The following LACTB variants were observed in gnomAD, a reference collection of about 807,000 sequenced individuals.
The protein encoded by LACTB is lactamase beta.
LACTB carries 35 observed loss-of-function variants against 50.2 expected under a neutral mutation model. The ratio of observed to expected loss-of-function variants is 0.70; its 90% CI spans 0.53 to 0.92. LACTB has a LOEUF of 0.92. Among genes scored for constraint, LACTB ranks in the 40% least tolerant of loss-of-function variants. LACTB has a pLI of 0.00. For synonymous variants in LACTB, 252 were observed against 268.2 expected (o/e 0.94, Z 0.59); for missense variants, 664 against 691.8 (o/e 0.96, Z 0.45).
At chr15:63,137,158 C>T (rs899297298) in intron 5 of LACTB, among the ~76,000 whole-genome samples, 1 of 152,176 alleles carries the variant, frequency 6.6e-6, no homozygotes, top group Non-Finnish European at 1.5e-5. Context: ...ACAGTGGGGA[C>T]ACTGTTTCTG....
intron 2 of LACTB, chr15:63,125,975 A>T (rs1043402102): frequency 6.6e-5 from 10 of 151,540 alleles, no homozygotes; most frequent in Non-Finnish European, 1.3e-4. Context: ...AAGTGCTGGG[A>T]TTGCAGGCAC....
intron 5 of LACTB, among the ~76,000 whole-genome samples, chr15:63,133,291 T>C (rs930217294): frequency 1.3e-5 from 2 of 152,204 alleles, no homozygotes; most frequent in African/African-American, 4.8e-5. Context: ...ACATTTTCTA[T>C]GACTTAGAGT....
rs78468592 is a variant in LACTB at position 63,123,311 on chromosome 15, A to G, written c.424+609A>G. Reference sequence around the variant, plus strand: ...CATTAACTGAGTACTTGCAGGTAACACTTATGGGTAGATAAAACTCAGAAT... The same window carrying G: ...CATTAACTGAGTACTTGCAGGTAACGCTTATGGGTAGATAAAACTCAGAAT... On this transcript the variant is annotated intron_variant, in intron 2 of 5. Coordinates refer to ENST00000261893, the MANE Select transcript of LACTB (RefSeq NM_032857.5). Among the ~76,000 whole-genome samples, 289 of 152,356 alleles carry G rather than the reference A, an allele frequency of 1.9e-3. 7 individuals are homozygous for G. The East Asian group carries it at 0.044, about 23-fold the overall frequency.
At chr15:63,132,957 A>G (rs897388942) in intron 5 of LACTB, among the ~76,000 whole-genome samples, 7 of 152,238 alleles carry the variant, frequency 4.6e-5, no homozygotes, top group Admixed American at 2.0e-4. Context: ...TTTAAGATTT[A>G]AAACATTTAA....
intron 4 of LACTB, among the ~76,000 whole-genome samples, chr15:63,129,140 G>T (rs188972623): frequency 1.3e-5 from 2 of 152,284 alleles, no homozygotes; most frequent in South Asian, 2.1e-4. Flanking sequence ...AATCAAATTT[G>T]CTTTTCTTTT....
Position 63,127,682 on chromosome 15 carries a change from C to G in LACTB, c.945C>G (p.Phe315Leu). 3 of 1,578,482 alleles carry G rather than the reference C, an allele frequency of 1.9e-6. No homozygotes were observed. The highest frequency in any genetic ancestry group is 2.6e-6 in the Non-Finnish European group (3 of 1,154,650). Residue 315 changes from phenylalanine (F) to leucine (L), a missense_variant, in exon 4 of 6, where the codon TTC becomes TTG. Phe to Leu is a conservative substitution (Grantham distance 22, BLOSUM62 0). Coordinates refer to ENST00000261893, the MANE Select transcript of LACTB (RefSeq NM_032857.5). Reference protein sequence around the residue: ...LRLFKNDPLFFKPGSQFLYST... With the variant: ...LRLFKNDPLFLKPGSQFLYST... Reference sequence around the variant, plus strand: ...TATTTAAAAATGATCCTTTGTTCTTCAAACCTGGTGAGTGTTAATCCCTTC... The same window carrying G: ...TATTTAAAAATGATCCTTTGTTCTTGAAACCTGGTGAGTGTTAATCCCTTC...
At chr15:63,122,780 A>G (rs763985744) in intron 2 of LACTB, 78 bp downstream of exon 2, 2 of 938,202 alleles carry the variant, frequency 2.1e-6, no homozygotes, top group East Asian at 2.4e-5. Context: ...AGTGGATCCC[A>G]TGAAATGCTA....
chr15:63,121,995 G>A lies in LACTB; in HGVS notation c.124G>A (p.Gly42Arg). ...GCCGCCTCTCGGCCACGGCTGGGTC[G>A]GGGGCCTCGGGCTGGGGCTGGGGCT... is the stretch of plus-strand genomic sequence containing the variant. Reference protein sequence around the residue: ...GLPPLGHGWVGGLGLGLGLAL... With the variant: ...GLPPLGHGWVRGLGLGLGLAL... Residue 42 changes from glycine (G) to arginine (R), a missense_variant, in exon 1 of 6, where the codon GGG becomes AGG. Physicochemically the swap from Gly to Arg is moderately radical, Grantham distance 125. Transcript: ENST00000261893. The A allele has an allele frequency of 1.5e-6, 2 of 1,368,204 alleles. No homozygotes were observed. Among genetic ancestry groups the A allele is most frequent in the Non-Finnish European group, 1.9e-6 (2 of 1,069,074 alleles). 84.8% of individuals were successfully genotyped at this position (1,368,204 alleles called of 1,614,324 possible). A position where few individuals can be genotyped will look rare whatever the true frequency, so the allele number is the denominator to read the frequency against.
intron 1 of LACTB, 46 bp downstream of exon 1, chr15:63,122,274 CT>C (rs772843927): frequency 1.3e-5 from 19 of 1,459,054 alleles, no homozygotes; most frequent in Non-Finnish European, 1.7e-5. Flanking sequence ...GGATCCACCC[CT>C]GTCGGCGGTG....
At chr15:63,132,314 C>G (rs756081292) in intron 5 of LACTB, among the ~76,000 whole-genome samples, 3 of 152,130 alleles carry the variant, frequency 2.0e-5, no homozygotes, top group Non-Finnish European at 4.4e-5. Flanking sequence ...ATTTGATTTC[C>G]TGTTTCTACA....
intron 2 of LACTB, among the ~76,000 whole-genome samples, chr15:63,125,302 G>T (rs1209008977): frequency 1.3e-5 from 2 of 151,756 alleles, no homozygotes; most frequent in Non-Finnish European, 2.9e-5. Flanking sequence ...CGATTAGCTG[G>T]GATTACAGGC....
intron 5 of LACTB, among the ~76,000 whole-genome samples, chr15:63,132,167 T>C (rs187336415): frequency 2.0e-5 from 3 of 152,294 alleles, no homozygotes; most frequent in African/African-American, 7.2e-5. Context: ...ATGAGCTTAG[T>C]ACCTAATAGG....
intron 5 of LACTB, among the ~76,000 whole-genome samples, chr15:63,134,522 C>T (rs1284338858): frequency 6.6e-6 from 1 of 152,066 alleles, no homozygotes; most frequent in Non-Finnish European, 1.5e-5. Flanking sequence ...CCCCAGCCTC[C>T]TGAAAAGAGA....
At chr15:63,122,915 C>G (rs540504232) in intron 2 of LACTB, among the ~76,000 whole-genome samples, 2 of 152,154 alleles carry the variant, frequency 1.3e-5, no homozygotes, top group East Asian at 3.9e-4. Context: ...GGATGGCTAC[C>G]CACTCCCACT....
In LACTB at chr15:63,141,493, G is replaced by A; in HGVS notation, c.1332G>A (p.Trp444Ter). 4 of 1,614,220 alleles carry A rather than the reference G, an allele frequency of 2.5e-6. No homozygotes were observed. The highest frequency in any genetic ancestry group is 3.4e-6 in the Non-Finnish European group (4 of 1,180,024). Reference protein sequence around the residue: ...YLKPETMVMMWTPVPNTEMSW... With the variant: ...YLKPETMVMM ...AACCAGAAACAATGGTTATGATGTGGACCCCAGTCCCTAACACAGAGATGT... is the reference window on the plus strand; with the variant it reads ...AACCAGAAACAATGGTTATGATGTGAACCCCAGTCCCTAACACAGAGATGT... Residue 444 changes from tryptophan to a stop codon, truncating the protein, a stop_gained, in exon 6 of 6, where the codon TGG becomes TGA. Transcript: ENST00000261893. LOFTEE classifies it high-confidence loss of function.
At chr15:63,140,323 C>T (rs943888799) in intron 5 of LACTB, among the ~76,000 whole-genome samples, 16 of 152,076 alleles carry the variant, frequency 1.1e-4, no homozygotes, top group Non-Finnish European at 2.4e-4. Flanking sequence ...TAGCATCTTA[C>T]TGGATGTGAG....
At chr15:63,133,194 T>C (rs2037148586) in intron 5 of LACTB, among the ~76,000 whole-genome samples, 1 of 152,232 alleles carries the variant, frequency 6.6e-6, no homozygotes, top group African/African-American at 2.4e-5. Context: ...CATATTTGAT[T>C]CATTTACCAC....
chr15:63,127,395 A>G lies in LACTB; in HGVS notation c.658A>G (p.Ile220Val). 1 of 1,583,944 alleles carries G rather than the reference A, an allele frequency of 6.3e-7. No homozygotes were observed. Among genetic ancestry groups the G allele is most frequent in the African/African-American group, 1.4e-5 (1 of 73,012 alleles). ...TRLLISHLSG[I>V]RHYEKDIKKV... ...ATTACTGATTTCCCATTTAAGTGGA[A>G]TTCGTCATTATGAAAAGGACATAAA... is the stretch of plus-strand genomic sequence containing the variant. Residue 220 changes from isoleucine (I) to valine (V), a missense_variant, in exon 4 of 6, where the codon ATT becomes GTT. Physicochemically the swap from Ile to Val is conservative, Grantham distance 29. Transcript: ENST00000261893.
At chr15:63,127,093 G>T in intron 3 of LACTB, 44 bp downstream of exon 3, 2 of 1,338,090 alleles carry the variant, frequency 1.5e-6, no homozygotes, top group Non-Finnish European at 1.0e-6. Context: ...ATGTTAAATG[G>T]TTTATGCTGG....
Sources: allele counts gnomAD v4.1 joint callset (sites outside exome capture counted in the v4.1 genomes callset), GRCh38; gene constraint gnomAD v4.1.1; transcripts MANE v1.5; gene names NCBI Gene and HGNC (gene_info 2026-07-23, HGNC 2026-07-21).